HOMER3: variants seen among roughly 807,000 people sequenced by gnomAD.
HOMER3 encodes the protein homer protein homolog 3.
In HOMER3, 34 loss-of-function variants were observed where a neutral mutation model predicts 45.5. The observed-to-expected ratio is 0.75, with a 90% CI of 0.57 to 1.00. The LOEUF (loss-of-function observed/expected upper bound fraction) is 1.00. Among genes scored for constraint, HOMER3 ranks in the 50% least tolerant of loss-of-function variants. The pLI, the probability that HOMER3 is intolerant of heterozygous loss-of-function variation, is 0.00. For synonymous variants in HOMER3, 223 were observed against 208.8 expected, an observed-to-expected ratio of 1.07 and a Z score of -0.58; for missense variants, 480 against 497.5, an observed-to-expected ratio of 0.96 and a Z score of 0.33.
chr19:18,932,269 T>A, intron 6 of HOMER3, 137 bp from the exon 7 acceptor site: 1 of 657,082 alleles, frequency 1.5e-6, no homozygotes, highest in Non-Finnish European at 2.0e-6. Context: ...GGGTGCGGAG[T>A]CGTGCGCGAA....
intron 9 of HOMER3, among the ~76,000 whole-genome samples, chr19:18,930,705 T>C (rs1480347084): frequency 1.3e-5 from 2 of 151,024 alleles, no homozygotes; most frequent in African/African-American, 2.4e-5. Flanking sequence ...GGAAACCCCA[T>C]CTCTACTAAA....
At chr19:18,938,591 C>A (rs564270653) in intron 3 of HOMER3, 107 bp from the exon 4 acceptor site, 3 of 1,508,184 alleles carry the variant, frequency 2.0e-6, no homozygotes, top group Admixed American at 3.6e-5. Flanking sequence ...TACTCTGAAC[C>A]CTTTCAGGAG....
At chr19:18,932,749 G>A (rs566639954) in intron 6 of HOMER3, among the ~76,000 whole-genome samples, 175 bp downstream of exon 6, 11 of 151,522 alleles carry the variant, frequency 7.3e-5, no homozygotes, top group South Asian at 4.2e-4. Flanking sequence ...CCAACGCAGG[G>A]TAGGGGCGGG....
In HOMER3 at chr19:18,929,279, C is replaced by G. The variant is rs752954810; in HGVS notation, c.*164G>C. On this transcript the variant is annotated 3_prime_UTR_variant, in exon 10 of 10. Coordinates refer to ENST00000392351, the MANE Select transcript of HOMER3 (RefSeq NM_004838.4). ...TCAAAAACAGCCCCAAAGCTGCCAA[C>G]AACCAGAGCCGACTGGGGCCCACCC... 15 of 799,236 alleles carry G rather than the reference C, an allele frequency of 1.9e-5. No individual in the cohort carries two copies. The highest frequency in any genetic ancestry group is 3.3e-5 in the African/African-American group (2 of 59,772). 49.5% of individuals were successfully genotyped at this position (799,236 alleles called of 1,614,324 possible).
At chr19:18,930,963 G>C (rs1163339411) in intron 9 of HOMER3, among the ~76,000 whole-genome samples, 1 of 151,928 alleles carries the variant, frequency 6.6e-6, no homozygotes, top group Non-Finnish European at 1.5e-5. Flanking sequence ...AGCTGAGATC[G>C]TGCCATTGCA....
chr19:18,937,308 TAA>T (rs535744160), intron 4 of HOMER3, among the ~76,000 whole-genome samples: 2 of 82,304 alleles, frequency 2.4e-5, no homozygotes, highest in Non-Finnish European at 2.1e-5. Flanking sequence ...AAGATCTTGT[TAA>T]AAAAAAAAAA....
At chr19:18,931,694 G>A (rs1338772389) in intron 7 of HOMER3, 69 bp from the exon 8 acceptor site, 3 of 1,522,594 alleles carry the variant, frequency 2.0e-6, no homozygotes, top group Non-Finnish European at 8.8e-7. Context: ...AACCTCTAGG[G>A]AATCTGCCTC....
In HOMER3 at chr19:18,938,495, G is replaced by A. The variant is rs756220470; in HGVS notation, c.172-11C>T. On this transcript the variant is annotated splice_polypyrimidine_tract_variant and intron_variant, in intron 3 of 9. Transcript: ENST00000392351. ...GCTGTTGATGATGGCCTAGGGTCGG[G>A]GAACAAAGTTCAAGGTAGATGGGAC... 1 of 1,610,590 alleles carries A rather than the reference G, an allele frequency of 6.2e-7. No homozygotes were observed. Among genetic ancestry groups the A allele is most frequent in the Admixed American group, 1.7e-5 (1 of 59,918 alleles).
At chr19:18,934,054 G>T (rs540924140) in intron 5 of HOMER3, among the ~76,000 whole-genome samples, 1 of 152,272 alleles carries the variant, frequency 6.6e-6, no homozygotes, top group South Asian at 2.1e-4. Flanking sequence ...ATCTGAGCTG[G>T]TTTTGCTACT....
chr19:18,936,412 G>A (rs1244325692), intron 4 of HOMER3, among the ~76,000 whole-genome samples: 3 of 151,230 alleles, frequency 2.0e-5, no homozygotes, highest in Admixed American at 1.3e-4. Flanking sequence ...TGAGGCAGGC[G>A]GATTACCTGA....
At chr19:18,932,880 C>CCCCCCCCCCCCCCCCCCCCCCCCCA in intron 6 of HOMER3, 44 bp downstream of exon 6, 1 of 719,864 alleles carries the variant, frequency 1.4e-6, no homozygotes, top group East Asian at 3.5e-5. Flanking sequence ...TCGTCCCCCA[C>CCCCCCCCCCCCCCCCCCCCCCCCCA]CCCTACCCCC....
intron 4 of HOMER3, 41 bp downstream of exon 4, chr19:18,938,312 G>A: frequency 6.3e-7 from 1 of 1,579,652 alleles, no homozygotes; most frequent in South Asian, 1.1e-5. Flanking sequence ...CTTGGGCCCA[G>A]TCTCATCGGT....
intron 9 of HOMER3, among the ~76,000 whole-genome samples, chr19:18,930,496 C>T (rs1326484167): frequency 4.0e-5 from 6 of 151,054 alleles, no homozygotes; most frequent in Non-Finnish European, 3.0e-5. Context: ...TGCGCCACTG[C>T]ACTCCAGCCT....
chr19:18,932,167 G>C (rs1029793466), intron 6 of HOMER3, 35 bp from the exon 7 acceptor site: 1 of 1,502,100 alleles, frequency 6.7e-7, no homozygotes. Context: ...TGGGTGACAC[G>C]GGGCTGGGGG....
At chr19:18,931,273 G>T in intron 9 of HOMER3, 52 bp downstream of exon 9, 2 of 1,458,828 alleles carry the variant, frequency 1.4e-6, no homozygotes, top group Non-Finnish European at 1.9e-6. Context: ...CTGAGTGTCT[G>T]TTGAGGTGAC....
At position 18,938,761 on chromosome 19, in the gene HOMER3, A is replaced by G. The variant is rs780322294; in HGVS notation, c.138T>C (p.Asn46=). The change falls in exon 3 of 10, where the codon AAT becomes AAC. Residue 46 remains asparagine, a synonymous_variant. Coordinates refer to ENST00000392351, the MANE Select transcript of HOMER3 (RefSeq NM_004838.4). ...TVSYFYDATR[N]VYRIISIGGA... ...CTCCGATGCTGATGATGCGGTACAC[A>G]TTGCGGGTGGCATCGTAGAAATAGG... 6.9e-6 allele frequency: 11 copies of G among 1,597,760 alleles called. No individual in the cohort carries two copies. The Admixed American group carries it at 1.9e-4, about 28-fold the overall frequency.
chr19:18,937,751 G>A (rs1259237544), intron 4 of HOMER3, among the ~76,000 whole-genome samples: 1 of 152,048 alleles, frequency 6.6e-6, no homozygotes, highest in Non-Finnish European at 1.5e-5. Flanking sequence ...GATAATAATG[G>A]AAGTATAGAG....
chr19:18,932,091 A>T lies in HOMER3; in HGVS notation c.575T>A (p.Leu192Gln). ...EVQWEAEFFA[L>Q]QDSNNKLAGA... The stretch of plus-strand genomic sequence containing the variant: ...TGCCAGCTTGTTGTTGCTGTCCTGC[A>T]GTGCGAAAAACTCGGCCTCCCACTG... Residue 192 changes from leucine (L) to glutamine (Q), a missense_variant, in exon 7 of 10, where the codon CTG becomes CAG. Leu to Gln is a moderately radical substitution (Grantham distance 113). Coordinates refer to ENST00000392351, the MANE Select transcript of HOMER3 (RefSeq NM_004838.4). The T allele has an allele frequency of 6.4e-7, 1 of 1,570,486 alleles. No homozygotes were observed. Among genetic ancestry groups the T allele is most frequent in the Non-Finnish European group, 8.6e-7 (1 of 1,160,006 alleles).
intron 4 of HOMER3, among the ~76,000 whole-genome samples, chr19:18,937,358 A>G (rs2145131783): frequency 6.6e-6 from 1 of 151,400 alleles, no homozygotes; most frequent in Non-Finnish European, 1.5e-5. Context: ...AAAAAGAAGA[A>G]AGGTAAATTC....
Sources: allele counts gnomAD v4.1 joint callset (sites outside exome capture counted in the v4.1 genomes callset), GRCh38; gene constraint gnomAD v4.1.1; transcripts MANE v1.5; gene names NCBI Gene and HGNC (gene_info 2026-07-23, HGNC 2026-07-21).